NTRK3: variants seen among roughly 807,000 people sequenced by gnomAD.
The protein encoded by NTRK3 is NT-3 growth factor receptor.
In NTRK3, 24 loss-of-function variants were observed where a neutral mutation model predicts 91.7. That is an observed-to-expected ratio of 0.26 (90% CI 0.19 to 0.37). The LOEUF (loss-of-function observed/expected upper bound fraction) is 0.37. NTRK3 is among the 10% of genes least tolerant of loss of function. The pLI is 1.00. For missense variants in NTRK3, 880 were observed against 1,068.9 expected (o/e 0.82, Z 2.46); for synonymous variants, 483 against 404.0 (o/e 1.20, Z -2.34).
At chr15:88,214,155 G>A (rs1452831018) in intron 3 of NTRK3, among the ~76,000 whole-genome samples, 1 of 152,126 alleles carries the variant, frequency 6.6e-6, no homozygotes, top group African/African-American at 2.4e-5. Flanking sequence ...AGTTTCCCGG[G>A]GCTCCCATAA....
intron 5 of NTRK3, among the ~76,000 whole-genome samples, chr15:88,172,007 C>T (rs1459891138): frequency 6.6e-6 from 1 of 152,232 alleles, no homozygotes; most frequent in Admixed American, 6.5e-5. Flanking sequence ...TTGGGAGACC[C>T]TGTCTGCAGT....
At chr15:88,004,606 A>G (rs1194311273) in intron 14 of NTRK3, among the ~76,000 whole-genome samples, 1 of 152,192 alleles carries the variant, frequency 6.6e-6, no homozygotes, top group Admixed American at 6.5e-5. Flanking sequence ...GTGCAAATTC[A>G]AGGCATATTT....
At chr15:88,177,336 T>C (rs1003319008) in intron 5 of NTRK3, among the ~76,000 whole-genome samples, 13 of 152,086 alleles carry the variant, frequency 8.5e-5, no homozygotes, top group African/African-American at 3.1e-4. Flanking sequence ...CAGACAAAAG[T>C]GAAGGTGTGG....
At chr15:87,893,916 A>G (rs1489277061) in intron 17 of NTRK3, among the ~76,000 whole-genome samples, 1 of 152,238 alleles carries the variant, frequency 6.6e-6, no homozygotes, top group Non-Finnish European at 1.5e-5. Flanking sequence ...CATGAAGTAC[A>G]TGAGAAAGCA....
rs1311191696 is a variant in NTRK3, at chr15:87,865,967, C to G, written c.*10968G>C. On this transcript the variant is annotated 3_prime_UTR_variant, in exon 19 of 19. Coordinates refer to ENST00000394480, the Ensembl canonical transcript of NTRK3. ...CTCAAAATGTGTCTCAAAAGCGGCT[C>G]TCAGTCACTCAGCTCAGCACCCAGC... is the stretch of plus-strand genomic sequence containing the variant. The G allele has an allele frequency of 1.7e-5, 4 of 231,516 alleles. No individual in the cohort carries two copies. The East Asian group carries it at 2.4e-4, about 14-fold the overall frequency. The allele number at this position is 231,516 out of a possible 1,614,324, so 14.3% of individuals were successfully genotyped here. A position where few individuals can be genotyped will look rare whatever the true frequency, so the allele number is the denominator to read the frequency against.
chr15:88,074,666 T>A (rs1179344724), intron 13 of NTRK3, among the ~76,000 whole-genome samples: 1 of 152,210 alleles, frequency 6.6e-6, no homozygotes, highest in African/African-American at 2.4e-5. Context: ...TAGCCGTATA[T>A]GATGTGGTTT....
rs567439772 is a variant in NTRK3, at chr15:88,130,800, G to A, written c.1205-2066C>T. Among the ~76,000 whole-genome samples the A allele has an allele frequency of 2.0e-5, 3 of 152,332 alleles. No individual in the cohort carries two copies. In the South Asian group the frequency reaches 6.2e-4, roughly 32 times the overall value. On this transcript the variant is annotated intron_variant, in intron 10 of 18. Coordinates refer to ENST00000394480, the Ensembl canonical transcript of NTRK3. Reference sequence around the variant, plus strand: ...ATGACACAGGAACTCAACGCAGTGTGTAATTCTGAATTGGATCCTAGACAA... The same window carrying A: ...ATGACACAGGAACTCAACGCAGTGTATAATTCTGAATTGGATCCTAGACAA...
At chr15:88,173,217 G>A (rs987309416) in intron 5 of NTRK3, among the ~76,000 whole-genome samples, 9 of 152,198 alleles carry the variant, frequency 5.9e-5, no homozygotes, top group African/African-American at 2.2e-4. Context: ...AGCATGGCTG[G>A]ATTGTACTAG....
chr15:88,163,962 A>G (rs12594095), intron 5 of NTRK3, among the ~76,000 whole-genome samples: 24,483 of 152,232 alleles, frequency 0.16, 2,527 homozygotes, highest in East Asian at 0.24. Context: ...AAACAGAGTC[A>G]GCTTTAGCAT....
chr15:87,940,710 T>G, exon 15 of NTRK3: 2 of 1,614,108 alleles, frequency 1.2e-6, no homozygotes, highest in Non-Finnish European at 1.7e-6. Context: ...CCTCACCCAG[T>G]TCTCGCTTCA....
intron 13 of NTRK3, among the ~76,000 whole-genome samples, chr15:88,063,844 C>CAGATGAAT (rs756790194): frequency 6.6e-6 from 1 of 152,196 alleles, no homozygotes; most frequent in African/African-American, 2.4e-5. Flanking sequence ...TCAGAAGAAA[C>CAGATGAAT]AGATGAATTG....
intron 14 of NTRK3, among the ~76,000 whole-genome samples, chr15:87,946,509 G>A (rs2142072228): frequency 6.6e-6 from 1 of 152,294 alleles, no homozygotes; most frequent in South Asian, 2.1e-4. Flanking sequence ...GGGACCACGT[G>A]TGTGGACAGG....
intron 17 of NTRK3, among the ~76,000 whole-genome samples, chr15:87,914,950 C>T (rs1209081641): frequency 6.6e-6 from 1 of 152,112 alleles, no homozygotes; most frequent in African/African-American, 2.4e-5. Flanking sequence ...ATTTACTAAG[C>T]ACAGACTATA....
chr15:87,943,179 G>A (rs535918472), intron 14 of NTRK3, among the ~76,000 whole-genome samples: 1 of 152,174 alleles, frequency 6.6e-6, no homozygotes, highest in Non-Finnish European at 1.5e-5. Context: ...TGCTGCTGGT[G>A]CAGGAACCAC....
chr15:88,069,901 T>G (rs2046962447), intron 13 of NTRK3, among the ~76,000 whole-genome samples: 1 of 152,250 alleles, frequency 6.6e-6, no homozygotes, highest in East Asian at 1.9e-4. Context: ...CTCTGGCACT[T>G]GGAAAGTCAG....
chr15:87,994,497 A>G (rs979058353), intron 14 of NTRK3, among the ~76,000 whole-genome samples: 8 of 152,168 alleles, frequency 5.3e-5, no homozygotes, highest in African/African-American at 1.9e-4. Context: ...CCAGCAAACT[A>G]CCAAAGCTAG....
intron 13 of NTRK3, among the ~76,000 whole-genome samples, chr15:88,103,492 A>AT (rs2050383213): frequency 1.3e-5 from 2 of 152,052 alleles, no homozygotes. Flanking sequence ...GAAGAACATG[A>AT]TTTTTTCTGA....
rs1160731403 is a variant in NTRK3, at chr15:88,133,202, C to T, written c.1204+1899G>A. On this transcript the variant is annotated intron_variant, in intron 10 of 18. Coordinates refer to ENST00000394480, the Ensembl canonical transcript of NTRK3. ...GAGCACTGATAACTGACTATGGTGA[C>T]AAGGGTATCCAGAGACTAACAGAAG... is the stretch of plus-strand genomic sequence containing the variant. Among the ~76,000 whole-genome samples the T allele has an allele frequency of 2.6e-5, 4 of 152,248 alleles. No homozygotes were observed. In the East Asian group the frequency reaches 7.7e-4, roughly 29 times the overall value.
intron 14 of NTRK3, among the ~76,000 whole-genome samples, chr15:87,952,965 C>T (rs1438193459): frequency 6.6e-6 from 1 of 152,122 alleles, no homozygotes; most frequent in East Asian, 1.9e-4. Flanking sequence ...TCCGCGTGGG[C>T]AGCCACAGCT....
Sources: gnomAD v4.1 joint callset for allele counts (sites outside exome capture counted in the v4.1 genomes callset) on GRCh38, gnomAD v4.1.1 for gene constraint, MANE v1.5 for transcripts, NCBI Gene and HGNC (gene_info 2026-07-23, HGNC 2026-07-21) for gene names.